Variants in MAD1L1 observed in about 807,000 individuals in gnomAD.
MAD1L1 encodes mitotic spindle assembly checkpoint protein MAD1.
A neutral mutation model predicts 96.9 loss-of-function variants in MAD1L1; 95 were observed. That is an observed-to-expected ratio of 0.98 (90% CI 0.83 to 1.16). The LOEUF is 1.16. MAD1L1 is among the 50% of genes most tolerant of loss of function. The pLI, the probability that MAD1L1 is intolerant of heterozygous loss-of-function variation, is 0.00. For synonymous variants in MAD1L1, 473 were observed against 396.6 expected (o/e 1.19, Z -2.29); for missense variants, 1,007 against 954.4 (o/e 1.06, Z -0.73).
At chr7:2,162,432 C>T (rs1435166551) in intron 10 of MAD1L1, among the ~76,000 whole-genome samples, 1 of 151,888 alleles carries the variant, frequency 6.6e-6, no homozygotes, top group Non-Finnish European at 1.5e-5. Context: ...TCTCAAGTAC[C>T]CAGGGACACA....
At chr7:1,834,559 C>G (rs954092567) in intron 18 of MAD1L1, among the ~76,000 whole-genome samples, 2 of 152,334 alleles carry the variant, frequency 1.3e-5, no homozygotes, top group African/African-American at 4.8e-5. Flanking sequence ...ATACAAACTA[C>G]TAAAGCTCAC....
intron 17 of MAD1L1, among the ~76,000 whole-genome samples, chr7:1,915,408 C>T (rs997075730): frequency 7.9e-5 from 12 of 152,168 alleles, no homozygotes; most frequent in African/African-American, 1.9e-4. Flanking sequence ...AAAAGCCACG[C>T]GCTTCCCGGG....
intron 14 of MAD1L1, among the ~76,000 whole-genome samples, chr7:1,988,936 A>G (rs1781281171): frequency 6.6e-6 from 1 of 152,192 alleles, no homozygotes; most frequent in African/African-American, 2.4e-5. Flanking sequence ...CTCCCTGACA[A>G]GGCCCTGATG....
Position 2,052,024 on chromosome 7 carries a change from C to T in MAD1L1, c.1218+17170G>A, listed in dbSNP as rs573753063. Among the ~76,000 whole-genome samples the T allele has an allele frequency of 1.1e-4, 17 of 152,246 alleles. No homozygotes were observed. The South Asian group carries it at 3.1e-3, about 28-fold the overall frequency. ...GGCGTCAGGCAGGGAAACAGCCAGG[C>T]GGAAAGACAACCATTCATGCAGAGT... On this transcript the variant is annotated intron_variant, in intron 12 of 18. Coordinates refer to ENST00000265854, the MANE Select transcript of MAD1L1 (RefSeq NM_001013836.2).
chr7:2,138,513 A>T (rs971978577), intron 11 of MAD1L1, among the ~76,000 whole-genome samples: 1 of 152,216 alleles, frequency 6.6e-6, no homozygotes, highest in Non-Finnish European at 1.5e-5. Flanking sequence ...GAACCACATC[A>T]AGAGGTGGGG....
At chr7:2,210,806 C>A (rs1792899757) in intron 10 of MAD1L1, among the ~76,000 whole-genome samples, 1 of 152,250 alleles carries the variant, frequency 6.6e-6, no homozygotes, top group African/African-American at 2.4e-5. Flanking sequence ...GGGGTCGACC[C>A]CCACAGCGAG....
At chr7:2,133,358 GC>G (rs1390593006) in intron 11 of MAD1L1, among the ~76,000 whole-genome samples, 1 of 151,202 alleles carries the variant, frequency 6.6e-6, no homozygotes, top group African/African-American at 2.4e-5. Context: ...TTGGTGAGGC[GC>G]CTGTTCAGAG....
intron 3 of MAD1L1, among the ~76,000 whole-genome samples, chr7:2,228,925 G>A (rs2115026931): frequency 6.6e-6 from 1 of 152,034 alleles, no homozygotes; most frequent in South Asian, 2.1e-4. Flanking sequence ...AGTAGAGACA[G>A]GGTTTCACCG....
intron 18 of MAD1L1, among the ~76,000 whole-genome samples, chr7:1,858,562 C>T (rs1348882122): frequency 6.6e-6 from 1 of 152,214 alleles, no homozygotes; most frequent in South Asian, 2.1e-4. Flanking sequence ...TCATTCAGGT[C>T]TTGCTGACCC....
intron 14 of MAD1L1, among the ~76,000 whole-genome samples, chr7:1,997,248 T>G (rs960335701): frequency 1.4e-4 from 22 of 152,210 alleles, no homozygotes; most frequent in African/African-American, 4.8e-4. Flanking sequence ...GGTTGGAAAA[T>G]AGCAGGTAAA....
At chr7:2,109,625 G>A (rs1442260816) in intron 11 of MAD1L1, 11 of 152,324 alleles carry the variant, frequency 7.2e-5, no homozygotes, top group African/African-American at 2.2e-4. Flanking sequence ...GCTGGTTAAC[G>A]TAGGAAGTTT....
intron 18 of MAD1L1, chr7:1,845,534 C>G (rs1207099386): frequency 3.0e-5 from 2 of 67,776 alleles, no homozygotes; most frequent in East Asian, 1.0e-3. Context: ...ACGTGCTCCA[C>G]GCAGACACGC....
intron 12 of MAD1L1, among the ~76,000 whole-genome samples, chr7:2,026,082 A>T (rs1264152367): frequency 6.6e-6 from 1 of 152,172 alleles, no homozygotes; most frequent in African/African-American, 2.4e-5. Flanking sequence ...AGTATACTAC[A>T]TTTATAATGA....
chr7:2,111,387 C>G (rs1787372418), intron 11 of MAD1L1, among the ~76,000 whole-genome samples: 1 of 152,226 alleles, frequency 6.6e-6, no homozygotes, highest in Non-Finnish European at 1.5e-5. Flanking sequence ...CTGCTCAGCC[C>G]TTGCTCTCTG....
At chr7:2,008,271 G>A (rs955702827) in intron 13 of MAD1L1, among the ~76,000 whole-genome samples, 1 of 152,252 alleles carries the variant, frequency 6.6e-6, no homozygotes, top group Non-Finnish European at 1.5e-5. Flanking sequence ...CTCCAGGCTG[G>A]TCTCGGTAGG....
chr7:1,946,370 C>T (rs967776129), intron 16 of MAD1L1, among the ~76,000 whole-genome samples: 4 of 152,194 alleles, frequency 2.6e-5, no homozygotes, highest in Non-Finnish European at 4.4e-5. Context: ...CACCACTCAA[C>T]TCAAGCAGAT....
intron 17 of MAD1L1, among the ~76,000 whole-genome samples, chr7:1,909,512 G>A (rs1787878420): frequency 6.6e-6 from 1 of 152,240 alleles, no homozygotes; most frequent in African/African-American, 2.4e-5. Context: ...GTCCTGGCTG[G>A]CTCTGCAAGA....
intron 15 of MAD1L1, among the ~76,000 whole-genome samples, chr7:1,969,122 G>A (rs1171121068): frequency 2.0e-5 from 3 of 152,168 alleles, no homozygotes; most frequent in South Asian, 2.1e-4. Flanking sequence ...GGTGGCTCCC[G>A]CCTGTAATCC....
chr7:1,887,362 T>G (rs891153953), intron 18 of MAD1L1, among the ~76,000 whole-genome samples: 4 of 151,284 alleles, frequency 2.6e-5, no homozygotes, highest in African/African-American at 9.7e-5. Flanking sequence ...CATGCATGTG[T>G]GTGGGTGGCT....
Sources: gnomAD v4.1 joint callset for allele counts (sites outside exome capture counted in the v4.1 genomes callset) on GRCh38, gnomAD v4.1.1 for gene constraint, MANE v1.5 for transcripts, NCBI Gene and HGNC (gene_info 2026-07-23, HGNC 2026-07-21) for gene names.